COPB1: variants seen among roughly 807,000 people sequenced by gnomAD.
COPB1 encodes the protein coatomer subunit beta.
In COPB1, 21 loss-of-function variants were observed where a neutral mutation model predicts 108.7. The observed-to-expected ratio is 0.19, with a 90% CI of 0.14 to 0.28. The LOEUF is 0.28. Ranked by LOEUF, COPB1 falls within the 10% of genes least tolerant of loss-of-function variation. The pLI is 1.00. For missense variants in COPB1, 919 were observed against 1,141.3 expected (o/e 0.81, Z 2.81); for synonymous variants, 378 against 386.8 (o/e 0.98, Z 0.27).
intron 20 of COPB1, among the ~76,000 whole-genome samples, chr11:14,459,290 G>A (rs943778878): frequency 5.9e-5 from 9 of 152,008 alleles, no homozygotes; most frequent in East Asian, 3.9e-4. Flanking sequence ...GACCTTAAGC[G>A]CCATGAAGGA....
intron 7 of COPB1, among the ~76,000 whole-genome samples, chr11:14,485,370 T>C (rs1185123250): frequency 1.3e-5 from 2 of 152,134 alleles, no homozygotes; most frequent in African/African-American, 4.8e-5. Flanking sequence ...TCTCTCTTTG[T>C]TGCCCAGGCT....
At position 14,469,343 on chromosome 11, in the gene COPB1, G is replaced by A; in HGVS notation, c.1958C>T (p.Ser653Phe). ...TCATCATATATACCTTACCTTTTGG[G>A]ATAATTTCTCTTCTTCTAGTTTAGC... is the stretch of plus-strand genomic sequence containing the variant. ...LSAKLEEEKLSQKKESEKRNV... is the reference protein window; with the variant it reads ...LSAKLEEEKLFQKKESEKRNV... The change falls in exon 15 of 22, where the codon TCC (serine) becomes TTC (phenylalanine). Residue 653 changes from serine to phenylalanine, a missense_variant. By Grantham distance (155) the Ser-to-Phe change is radical (BLOSUM62 -2). Coordinates refer to ENST00000439561, the MANE Select transcript of COPB1 (RefSeq NM_001144061.2). The A allele has an allele frequency of 6.2e-7, 1 of 1,612,992 alleles. No individual in the cohort carries two copies. Among genetic ancestry groups the A allele is most frequent in the South Asian group, 1.1e-5 (1 of 91,008 alleles).
Position 14,464,929 on chromosome 11 carries a change from T to C in COPB1, c.2392A>G (p.Ile798Val). ...ACCTTACCTATATTACCAAAAATTA[T>C]TCCATTTTCTGTTGATGCTACTTTG... ...NVKVASTENG[I>V]IFGNIVYDVS... The change falls in exon 18 of 22, where the codon ATA becomes GTA. Residue 798 changes from isoleucine (I) to valine (V), a missense_variant. Ile to Val is a conservative substitution (Grantham distance 29). This residue lies in a region of COPB1 where 705 missense variants were observed against 817.8 expected (regional missense o/e 0.86). Transcript: ENST00000439561. The C allele has an allele frequency of 6.2e-7, 1 of 1,613,258 alleles. No individual in the cohort carries two copies. Among genetic ancestry groups the C allele is most frequent in the Non-Finnish European group, 8.5e-7 (1 of 1,179,652 alleles).
chr11:14,481,076 T>C lies in COPB1; in HGVS notation c.979A>G (p.Arg327Gly). Residue 327 changes from arginine (R) to glycine (G), a missense_variant, in exon 9 of 22, where the codon AGA becomes GGA. Physicochemically the swap from Arg to Gly is moderately radical, Grantham distance 125. Around this residue, in one of 5 missense-constraint regions of COPB1, gnomAD observed 705 missense variants for 817.8 expected, o/e 0.86. Transcript: ENST00000439561. ...TCTAAGTCTGGTGTGCTCAATACTC[T>C]TAGGATATCCATAACCAGATCCTAA... ...VLQDLVMDIL[R>G]VLSTPDLEVR... The C allele has an allele frequency of 1.2e-6, 2 of 1,612,922 alleles. No individual in the cohort carries two copies. Among genetic ancestry groups the C allele is most frequent in the Non-Finnish European group, 1.7e-6 (2 of 1,179,552 alleles).
At chr11:14,470,613 A>C (rs1850377817) in intron 14 of COPB1, among the ~76,000 whole-genome samples, 1 of 152,176 alleles carries the variant, frequency 6.6e-6, no homozygotes, top group Admixed American at 6.5e-5. Context: ...GCACACATGC[A>C]TGAAAAACTA....
In COPB1 at chr11:14,494,303, T is replaced by C; in HGVS notation, c.228A>G (p.Lys76=). ...CAATTTCCCAAAATACCAGAAGTAA[T>C]TTCTTGATAGTGTGATCCTGAAGAG... ...VLPLQDHTIK[K]LLLVFWEIVP... is the part of the protein sequence containing the mutation. Residue 76 remains lysine (K), a synonymous_variant, in exon 3 of 22, where the codon AAA becomes AAG. Transcript: ENST00000439561. 3 of 1,613,846 alleles carry C rather than the reference T, an allele frequency of 1.9e-6. No homozygotes were observed. Among genetic ancestry groups the C allele is most frequent in the Non-Finnish European group, 1.7e-6 (2 of 1,179,858 alleles).
intron 13 of COPB1, 48 bp downstream of exon 13, chr11:14,475,737 T>G: frequency 7.0e-7 from 1 of 1,434,718 alleles, no homozygotes; most frequent in Non-Finnish European, 9.2e-7. Flanking sequence ...CATACAAGAG[T>G]AATAATAAAA....
intron 11 of COPB1, 51 bp from the exon 12 acceptor site, chr11:14,477,066 C>A (rs1417330753): frequency 7.4e-6 from 9 of 1,210,248 alleles, no homozygotes; most frequent in African/African-American, 4.5e-5. Flanking sequence ...AATCTTGAAG[C>A]AGAGATCTTT....
chr11:14,493,901 AC>A (rs2134128339), intron 3 of COPB1, 90 bp from the exon 4 acceptor site: 1 of 1,176,560 alleles, frequency 8.5e-7, no homozygotes, highest in South Asian at 1.7e-5. Flanking sequence ...GAAAAAAAAT[AC>A]GTTTGAGAAA....
intron 8 of COPB1, 148 bp from the exon 9 acceptor site, chr11:14,481,245 T>G: frequency 1.6e-6 from 1 of 621,330 alleles, no homozygotes; most frequent in South Asian, 2.0e-5. Flanking sequence ...ACTAGATAGT[T>G]TGGGTCTCCT....
intron 17 of COPB1, among the ~76,000 whole-genome samples, chr11:14,465,999 G>A (rs1019404261): frequency 6.6e-6 from 1 of 152,162 alleles, no homozygotes; most frequent in African/African-American, 2.4e-5. Context: ...GTCAATCTGC[G>A]ACTTAAACAG....
At chr11:14,493,558 T>C in intron 4 of COPB1, 84 bp downstream of exon 4, 1 of 1,159,996 alleles carries the variant, frequency 8.6e-7, no homozygotes, top group Non-Finnish European at 1.2e-6. Context: ...CTATATTCAG[T>C]CTGCAAGCAA....
At chr11:14,467,379 A>C (rs147959738) in intron 16 of COPB1, among the ~76,000 whole-genome samples, 43 of 152,268 alleles carry the variant, frequency 2.8e-4, no homozygotes, top group Non-Finnish European at 4.7e-4. Context: ...TCATCAAAAA[A>C]AAACAAAACA....
Position 14,464,949 on chromosome 11 carries a change from A to C in COPB1, c.2372T>G (p.Val791Gly), listed in dbSNP as rs1387331680. The change falls in exon 18 of 22, where the codon GTA becomes GGA. Residue 791 changes from valine (V) to glycine (G), a missense_variant. Val to Gly is a moderately radical substitution (Grantham distance 109, BLOSUM62 -3). Transcript: ENST00000439561. ...AATTATTCCATTTTCTGTTGATGCT[A>C]CTTTGACGTTAGCTTTAATATTTGC... ...DFANIKANVKVASTENGIIFG... is the reference protein window; with the variant it reads ...DFANIKANVKGASTENGIIFG... 1 of 1,613,622 alleles carries C rather than the reference A, an allele frequency of 6.2e-7. No individual in the cohort carries two copies. Among genetic ancestry groups the C allele is most frequent in the Non-Finnish European group, 8.5e-7 (1 of 1,179,792 alleles).
intron 6 of COPB1, 118 bp downstream of exon 6, chr11:14,488,374 T>G (rs915901018): frequency 2.1e-6 from 1 of 484,480 alleles, no homozygotes; most frequent in Non-Finnish European, 3.4e-6. Context: ...GGCTATGCTA[T>G]AAAATATTTA....
Position 14,468,811 on chromosome 11 carries a change from GA to G in COPB1, c.2014del (p.Ser672ProfsTer5). The G allele has an allele frequency of 6.2e-7, 1 of 1,614,098 alleles. No individual in the cohort carries two copies. Among genetic ancestry groups the G allele is most frequent in the Non-Finnish European group, 8.5e-7 (1 of 1,179,976 alleles). On this transcript the variant is annotated frameshift_variant, in exon 16 of 22. Coordinates refer to ENST00000439561, the MANE Select transcript of COPB1 (RefSeq NM_001144061.2). LOFTEE classifies it high-confidence loss of function. ...NVTVQPDDPI[S>X]FMQLTAKNEM... is the part of the protein sequence containing the mutation. ...ATTCTTAGCAGTTAGTTGCATGAAG[GA>G]AATGGGGTCATCAGGCTGTACTGTC...
chr11:14,490,173 G>A (rs563116742), intron 5 of COPB1, among the ~76,000 whole-genome samples: 1 of 152,258 alleles, frequency 6.6e-6, no homozygotes, highest in East Asian at 1.9e-4. Context: ...AACCTAAAAG[G>A]ATACACCTCT....
At chr11:14,491,156 T>A (rs1850892964) in intron 4 of COPB1, among the ~76,000 whole-genome samples, 1 of 152,088 alleles carries the variant, frequency 6.6e-6, no homozygotes, top group African/African-American at 2.4e-5. Context: ...GTGATTCTCC[T>A]GCCTCAGCCT....
chr11:14,460,785 C>A (rs551242733), intron 19 of COPB1, among the ~76,000 whole-genome samples: 1 of 152,084 alleles, frequency 6.6e-6, no homozygotes, highest in South Asian at 2.1e-4. Flanking sequence ...ATTACAGGCA[C>A]GAGCTACCGT....
Sources: gnomAD v4.1 joint callset for allele counts (sites outside exome capture counted in the v4.1 genomes callset) on GRCh38, gnomAD v4.1.1 for gene constraint, gnomAD v4.1.1 regional missense constraint, MANE v1.5 for transcripts, NCBI Gene and HGNC (gene_info 2026-07-23, HGNC 2026-07-21) for gene names.